Variants in MAPK10 observed in about 807,000 individuals in gnomAD.
MAPK10 encodes mitogen-activated protein kinase 10.
Under a neutral mutation model 59.3 loss-of-function variants are expected in MAPK10, and 25 were observed. That is an observed-to-expected ratio of 0.42 (90% confidence interval 0.31 to 0.59). The LOEUF (loss-of-function observed/expected upper bound fraction) is 0.59. Ranked by LOEUF, MAPK10 falls within the 20% of genes least tolerant of loss-of-function variation. MAPK10 has a pLI of 0.15. For synonymous variants in MAPK10, 190 were observed against 200.5 expected (o/e 0.95, Z 0.44); for missense variants, 351 against 568.9 (o/e 0.62, Z 3.90).
At chr4:86,467,202 C>A (rs978398637) in intron 1 of MAPK10, among the ~76,000 whole-genome samples, 1 of 152,140 alleles carries the variant, frequency 6.6e-6, no homozygotes, top group African/African-American at 2.4e-5. Context: ...ACAGTAGGCC[C>A]CAACAGACCA....
intron 1 of MAPK10, among the ~76,000 whole-genome samples, chr4:86,546,393 CAA>C (rs78851488): frequency 2.3e-5 from 3 of 130,964 alleles, no homozygotes; most frequent in Admixed American, 7.7e-5. Context: ...ACTAAAAATA[CAA>C]AAAAAAAAAA....
At chr4:86,210,074 T>C (rs1478450681) in intron 2 of MAPK10, among the ~76,000 whole-genome samples, 1 of 152,098 alleles carries the variant, frequency 6.6e-6, no homozygotes, top group East Asian at 1.9e-4. Context: ...GATATCTATA[T>C]GCAGAAGAAT....
chr4:86,503,365 G>A (rs770113997), intron 1 of MAPK10, among the ~76,000 whole-genome samples: 5 of 151,930 alleles, frequency 3.3e-5, no homozygotes, highest in Non-Finnish European at 7.4e-5. Flanking sequence ...TGTTGAAATG[G>A]GTACCTAAAA....
At chr4:86,523,349 A>G (rs1244000909) in intron 1 of MAPK10, among the ~76,000 whole-genome samples, 1 of 152,216 alleles carries the variant, frequency 6.6e-6, no homozygotes, top group African/African-American at 2.4e-5. Context: ...ATCCAAGAAT[A>G]CATCTGGCTA....
intron 2 of MAPK10, among the ~76,000 whole-genome samples, chr4:86,309,532 C>T (rs2095630345): frequency 1.3e-5 from 2 of 152,164 alleles, no homozygotes; most frequent in African/African-American, 4.8e-5. Context: ...ACTGAAGTAA[C>T]CAGAAAATCA....
intron 1 of MAPK10, among the ~76,000 whole-genome samples, chr4:86,417,092 T>C (rs981476621): frequency 6.6e-6 from 1 of 152,262 alleles, no homozygotes; most frequent in African/African-American, 2.4e-5. Flanking sequence ...AAACAATGGT[T>C]ACCTGGTACT....
At chr4:86,045,022 G>A (rs2042242371) in intron 11 of MAPK10, among the ~76,000 whole-genome samples, 1 of 152,110 alleles carries the variant, frequency 6.6e-6, no homozygotes, top group African/African-American at 2.4e-5. Context: ...AGCATTAGGT[G>A]ACCAGAGGAA....
At chr4:86,260,838 CATTT>C (rs1380327988) in intron 2 of MAPK10, among the ~76,000 whole-genome samples, 1 of 152,088 alleles carries the variant, frequency 6.6e-6, no homozygotes, top group Non-Finnish European at 1.5e-5. Context: ...TTTATTCATT[CATTT>C]ATTCAACTAA....
chr4:86,031,915 A>T (rs910847399), intron 11 of MAPK10: 2 of 152,752 alleles, frequency 1.3e-5, no homozygotes, highest in African/African-American at 4.8e-5. Flanking sequence ...CTAGTCCTCA[A>T]TATAAAAAAA....
intron 1 of MAPK10, among the ~76,000 whole-genome samples, chr4:86,381,178 A>G (rs1418171241): frequency 6.6e-6 from 1 of 152,152 alleles, no homozygotes; most frequent in Non-Finnish European, 1.5e-5. Context: ...CAACCTGGTA[A>G]TGGCTTTAGG....
chr4:86,217,675 C>T (rs1583028020), intron 2 of MAPK10, among the ~76,000 whole-genome samples: 1 of 152,238 alleles, frequency 6.6e-6, no homozygotes, highest in East Asian at 1.9e-4. Context: ...GTGAATTATA[C>T]ATGGTCTTTT....
intron 2 of MAPK10, among the ~76,000 whole-genome samples, chr4:86,322,614 G>C (rs2095923053): frequency 6.6e-6 from 1 of 152,176 alleles, no homozygotes; most frequent in East Asian, 1.9e-4. Context: ...GTATGACTAA[G>C]TGCCCAGTTC....
chr4:86,519,130 A>G (rs931041638), intron 1 of MAPK10, among the ~76,000 whole-genome samples: 2 of 152,174 alleles, frequency 1.3e-5, no homozygotes, highest in Non-Finnish European at 2.9e-5. Context: ...TGTTAAGTCC[A>G]TTTATTCTAG....
intron 1 of MAPK10, among the ~76,000 whole-genome samples, chr4:86,581,159 G>A (rs998542699): frequency 2.6e-5 from 4 of 151,682 alleles, no homozygotes; most frequent in African/African-American, 9.7e-5. Flanking sequence ...TCAACTTATT[G>A]CCAGAACTGC....
intron 4 of MAPK10, among the ~76,000 whole-genome samples, chr4:86,132,794 T>C (rs975533507): frequency 3.3e-5 from 5 of 152,206 alleles, no homozygotes; most frequent in African/African-American, 9.6e-5. Context: ...ATCTAATATC[T>C]GATGATCTGT....
chr4:86,055,431 C>A (rs1190533655), intron 11 of MAPK10, among the ~76,000 whole-genome samples: 2 of 149,658 alleles, frequency 1.3e-5, no homozygotes, highest in Non-Finnish European at 3.0e-5. Flanking sequence ...ATAGGTCTTT[C>A]CTGAGAAAAC....
chr4:86,339,104 T>C (rs1723336373), intron 2 of MAPK10, among the ~76,000 whole-genome samples: 1 of 152,198 alleles, frequency 6.6e-6, no homozygotes, highest in African/African-American at 2.4e-5. Flanking sequence ...CACTATTCTA[T>C]TACACACAGT....
intron 2 of MAPK10, among the ~76,000 whole-genome samples, chr4:86,265,130 G>T (rs1047394309): frequency 5.3e-5 from 8 of 151,858 alleles, no homozygotes; most frequent in Non-Finnish European, 1.5e-5. Context: ...ACCTCGTGAC[G>T]TACCTGCCTC....
At chr4:86,565,326 C>T (rs769080457) in intron 1 of MAPK10, among the ~76,000 whole-genome samples, 1 of 151,924 alleles carries the variant, frequency 6.6e-6, no homozygotes, top group Non-Finnish European at 1.5e-5. Flanking sequence ...TTTCCAATTC[C>T]ACCATTGTAT....
Sources: gnomAD v4.1 joint callset for allele counts (sites outside exome capture counted in the v4.1 genomes callset) on GRCh38, gnomAD v4.1.1 for gene constraint, MANE v1.5 for transcripts, NCBI Gene and HGNC (gene_info 2026-07-23, HGNC 2026-07-21) for gene names.